ADAMTS12: variants seen among roughly 807,000 people sequenced by gnomAD.
ADAMTS12 encodes ADAM metallopeptidase with thrombospondin type 1 motif 12.
In ADAMTS12, 118 loss-of-function variants were observed where a neutral mutation model predicts 167.8. The observed-to-expected ratio is 0.70, with a 90% confidence interval of 0.61 to 0.82. ADAMTS12 has a LOEUF of 0.82. Among genes scored for constraint, ADAMTS12 ranks in the 40% least tolerant of loss-of-function variants. The probability of loss-of-function intolerance (pLI) is 0.00; values close to 1 mark genes in which losing one functional copy is unlikely to be tolerated. For missense variants in ADAMTS12, 1,916 were observed against 1,998.8 expected, an observed-to-expected ratio of 0.96 and a Z score of 0.79; for synonymous variants, 704 against 716.9, an observed-to-expected ratio of 0.98 and a Z score of 0.29.
chr5:33,865,939 A>C (rs1193784079), intron 2 of ADAMTS12, among the ~76,000 whole-genome samples: 1 of 152,178 alleles, frequency 6.6e-6, no homozygotes, highest in Non-Finnish European at 1.5e-5. Flanking sequence ...ACTATAAAAC[A>C]CTGCTGAAAG....
chr5:33,604,519 AAAG>A (rs1219111302), intron 16 of ADAMTS12, among the ~76,000 whole-genome samples: 10 of 151,180 alleles, frequency 6.6e-5, no homozygotes, highest in African/African-American at 9.7e-5. Context: ...AAAAAAAAGA[AAAG>A]AAAAGAAAAG....
chr5:33,791,319 G>C (rs1746559375), intron 2 of ADAMTS12, among the ~76,000 whole-genome samples: 1 of 152,206 alleles, frequency 6.6e-6, no homozygotes, highest in Non-Finnish European at 1.5e-5. Flanking sequence ...AATATGCTCT[G>C]TAATGCTAGG....
At chr5:33,699,579 G>T (rs973678404) in intron 3 of ADAMTS12, among the ~76,000 whole-genome samples, 2 of 152,094 alleles carry the variant, frequency 1.3e-5, no homozygotes, top group African/African-American at 4.8e-5. Flanking sequence ...TACTTTCTCT[G>T]CCCATGTGAA....
intron 2 of ADAMTS12, among the ~76,000 whole-genome samples, chr5:33,784,222 T>C (rs867300304): frequency 9.2e-5 from 14 of 151,940 alleles, no homozygotes; most frequent in South Asian, 4.1e-4. Flanking sequence ...ATAAAAGATA[T>C]GTTTAAAAAG....
chr5:33,689,842 T>C (rs1175033250), intron 3 of ADAMTS12, among the ~76,000 whole-genome samples: 1 of 152,226 alleles, frequency 6.6e-6, no homozygotes, highest in East Asian at 1.9e-4. Context: ...TCATGGAACC[T>C]TTCCTTGATA....
At chr5:33,817,703 T>A (rs1222584686) in intron 2 of ADAMTS12, among the ~76,000 whole-genome samples, 1 of 151,988 alleles carries the variant, frequency 6.6e-6, no homozygotes, top group African/African-American at 2.4e-5. Flanking sequence ...AAAACACAGA[T>A]TCTCTTTTAA....
At chr5:33,735,933 T>A (rs1181208386) in intron 3 of ADAMTS12, among the ~76,000 whole-genome samples, 5 of 152,204 alleles carry the variant, frequency 3.3e-5, no homozygotes, top group Non-Finnish European at 7.3e-5. Context: ...CCAGATAACA[T>A]TAAAAGTGTT....
At chr5:33,850,132 G>A (rs2910632) in intron 2 of ADAMTS12, among the ~76,000 whole-genome samples, 3,138 of 152,088 alleles carry the variant, frequency 0.021, 152 homozygotes, top group East Asian at 0.2. Context: ...TCGTCTGTAC[G>A]GAGCAGATCT....
rs1435561911 is a variant in ADAMTS12, at chr5:33,524,666, T to G, written c.*2522A>C. On this transcript the variant is annotated 3_prime_UTR_variant, in exon 24 of 24. Transcript: ENST00000504830. ...TGGGACATGTCAAAATACTGACGAC[T>G]CATCACTGAGTGATCGCCAAGGCAA... The G allele has an allele frequency of 6.6e-6, 1 of 152,232 alleles. No homozygotes were observed. The highest frequency in any genetic ancestry group is 2.4e-5 in the African/African-American group (1 of 41,450). The allele number at this position is 152,232 out of a possible 1,614,324, so 9.4% of individuals were successfully genotyped here.
At chr5:33,662,096 A>G (rs1394043747) in intron 5 of ADAMTS12, 56 bp from the exon 6 acceptor site, 1 of 1,588,522 alleles carries the variant, frequency 6.3e-7, no homozygotes, top group Admixed American at 1.7e-5. Context: ...GTCAGGGACC[A>G]TTGCATTAGG....
intron 7 of ADAMTS12, among the ~76,000 whole-genome samples, chr5:33,656,791 T>C (rs1741078855): frequency 6.6e-6 from 1 of 152,174 alleles, no homozygotes; most frequent in South Asian, 2.1e-4. Flanking sequence ...TGTTTGTGCA[T>C]AACAATAACT....
At position 33,526,740 on chromosome 5, in the gene ADAMTS12, C is replaced by CCCA. The variant is rs1338301253; in HGVS notation, c.*445_*447dup. 1 of 154,278 alleles carries CCCA rather than the reference C, an allele frequency of 6.5e-6. No homozygotes were observed. The highest frequency in any genetic ancestry group is 2.4e-5 in the African/African-American group (1 of 41,348). 9.6% of individuals were successfully genotyped at this position (154,278 alleles called of 1,614,324 possible). ...CTGTGACATTTTAAATAGCAGCTGC[C>CCCA]CCAGGCAGGGAGGCAAGAAAAAAAA... is the stretch of plus-strand genomic sequence containing the variant. On this transcript the variant is annotated 3_prime_UTR_variant, in exon 24 of 24. Coordinates refer to ENST00000504830, the MANE Select transcript of ADAMTS12 (RefSeq NM_030955.4).
chr5:33,881,638 C>T (rs1212978857), intron 1 of ADAMTS12, among the ~76,000 whole-genome samples, 158 bp from the exon 2 acceptor site: 1 of 151,750 alleles, frequency 6.6e-6, no homozygotes, highest in Non-Finnish European at 1.5e-5. Flanking sequence ...CCGGGCTCAC[C>T]GCAACCTCCT....
chr5:33,556,259 A>G (rs1458994789), intron 20 of ADAMTS12, among the ~76,000 whole-genome samples: 2 of 152,214 alleles, frequency 1.3e-5, no homozygotes, highest in South Asian at 2.1e-4. Flanking sequence ...GTAGGTTATC[A>G]TGCCAGATAC....
chr5:33,551,959 T>C (rs918959543), intron 20 of ADAMTS12, among the ~76,000 whole-genome samples: 1 of 152,176 alleles, frequency 6.6e-6, no homozygotes, highest in South Asian at 2.1e-4. Flanking sequence ...TTTCCTAATG[T>C]AAAGCCTGCG....
intron 2 of ADAMTS12, among the ~76,000 whole-genome samples, chr5:33,770,486 C>A (rs904405139): frequency 1.1e-4 from 16 of 152,124 alleles, no homozygotes. Flanking sequence ...TATACACCTG[C>A]AGCTTTATCT....
intron 16 of ADAMTS12, among the ~76,000 whole-genome samples, chr5:33,601,064 C>G (rs990140009): frequency 2.6e-5 from 4 of 151,544 alleles, no homozygotes; most frequent in Admixed American, 6.6e-5. Context: ...CTGTCAAGGA[C>G]AGCTTGGGTC....
intron 22 of ADAMTS12, among the ~76,000 whole-genome samples, chr5:33,538,757 A>T (rs917416070): frequency 6.6e-6 from 1 of 152,134 alleles, no homozygotes; most frequent in African/African-American, 2.4e-5. Flanking sequence ...TAATCAGTCT[A>T]GTAACACACC....
intron 18 of ADAMTS12, among the ~76,000 whole-genome samples, chr5:33,581,350 G>T (rs1747054624): frequency 6.6e-6 from 1 of 152,078 alleles, no homozygotes; most frequent in Admixed American, 6.5e-5. Context: ...GAGTCATTTT[G>T]CCCTCACTTA....
Sources: gnomAD v4.1 joint callset for allele counts (sites outside exome capture counted in the v4.1 genomes callset) on GRCh38, gnomAD v4.1.1 for gene constraint, MANE v1.5 for transcripts, NCBI Gene and HGNC (gene_info 2026-07-23, HGNC 2026-07-21) for gene names.